PIGL: variants seen among roughly 807,000 people sequenced by gnomAD.
PIGL encodes phosphatidylinositol glycan anchor biosynthesis class L.
Under a neutral mutation model 31.1 loss-of-function variants are expected in PIGL, and 22 were observed. The ratio of observed to expected loss-of-function variants is 0.71; its 90% CI spans 0.51 to 1.01. The LOEUF (loss-of-function observed/expected upper bound fraction) is 1.01. Ranked by LOEUF, PIGL falls within the 50% of genes least tolerant of loss-of-function variation. The probability of loss-of-function intolerance (pLI) is 0.00; values close to 1 mark genes in which losing one functional copy is unlikely to be tolerated. For synonymous variants in PIGL, 131 were observed against 117.4 expected (o/e 1.12, Z -0.75); for missense variants, 302 against 315.9 (o/e 0.96, Z 0.33).
At chr17:16,271,958 CAAGCAATCTTCCCA>C (rs1382969266) in intron 2 of PIGL, among the ~76,000 whole-genome samples, 12 of 152,142 alleles carry the variant, frequency 7.9e-5, no homozygotes, top group Admixed American at 7.2e-4. Flanking sequence ...CTCCTGGCCT[CAAGCAATCTTCCCA>C]CCTTGGCCCC....
intron 6 of PIGL, 120 bp downstream of exon 6, chr17:16,318,028 G>A: frequency 2.5e-6 from 2 of 797,576 alleles, no homozygotes; most frequent in South Asian, 3.2e-5. Context: ...TTCAGCACCT[G>A]TCCCTGAGAA....
intron 1 of PIGL, among the ~76,000 whole-genome samples, chr17:16,228,258 A>G (rs1232219644): frequency 6.6e-6 from 1 of 151,562 alleles, no homozygotes; most frequent in East Asian, 2.0e-4. Flanking sequence ...GAGTTTCACC[A>G]TGTTGGCCAG....
chr17:16,235,508 G>A (rs187238384), intron 2 of PIGL, among the ~76,000 whole-genome samples: 1 of 139,914 alleles, frequency 7.1e-6, no homozygotes, highest in Admixed American at 7.7e-5. Flanking sequence ...GTGCAGTGGT[G>A]CCATCTCGGC....
intron 2 of PIGL, among the ~76,000 whole-genome samples, chr17:16,247,889 CT>C (rs888535273): frequency 2.4e-4 from 36 of 149,834 alleles, no homozygotes; most frequent in East Asian, 9.7e-4. Context: ...AGCTTTCTCT[CT>C]TTTTTTTTTC....
intron 2 of PIGL, among the ~76,000 whole-genome samples, chr17:16,274,371 G>A (rs915342318): frequency 2.0e-5 from 3 of 152,168 alleles, no homozygotes; most frequent in Non-Finnish European, 4.4e-5. Context: ...TAGAACATAG[G>A]TCACTTTGTT....
intron 2 of PIGL, among the ~76,000 whole-genome samples, chr17:16,242,543 C>T (rs2092727125): frequency 6.6e-6 from 1 of 151,476 alleles, no homozygotes; most frequent in South Asian, 2.1e-4. Context: ...AAAAGCCTAC[C>T]AGTTTTAACT....
chr17:16,277,536 T>G (rs1166896518), intron 2 of PIGL, among the ~76,000 whole-genome samples: 1 of 120,240 alleles, frequency 8.3e-6, no homozygotes, highest in Non-Finnish European at 2.0e-5. Flanking sequence ...ATTGCTTCAG[T>G]CTTCTGTTAG....
At chr17:16,258,095 G>GAA (rs1568802787) in intron 2 of PIGL, among the ~76,000 whole-genome samples, 9 of 128,906 alleles carry the variant, frequency 7.0e-5, no homozygotes, top group African/African-American at 2.7e-4. Context: ...GAGAGAGAGA[G>GAA]AGAGAGAAAG....
At chr17:16,313,505 G>A in intron 3 of PIGL, 42 bp from the exon 4 acceptor site, 1 of 1,402,156 alleles carries the variant, frequency 7.1e-7, no homozygotes, top group Non-Finnish European at 1.0e-6. Flanking sequence ...AAGTTGAGGT[G>A]GTGGAGAAGG....
At chr17:16,231,241 T>C (rs1202059541) in intron 1 of PIGL, among the ~76,000 whole-genome samples, 1 of 148,314 alleles carries the variant, frequency 6.7e-6, no homozygotes, top group African/African-American at 2.5e-5. Flanking sequence ...TCTTTTTTTT[T>C]TTTTTTTTTG....
intron 1 of PIGL, 64 bp downstream of exon 1, chr17:16,217,525 T>C (rs2092593381): frequency 7.7e-7 from 1 of 1,298,612 alleles, no homozygotes; most frequent in Non-Finnish European, 1.1e-6. Flanking sequence ...TGCTAACCGA[T>C]CTCAGTCGCC....
intron 2 of PIGL, among the ~76,000 whole-genome samples, chr17:16,264,296 C>T (rs1001703368): frequency 6.6e-6 from 1 of 151,964 alleles, no homozygotes; most frequent in African/African-American, 2.4e-5. Flanking sequence ...GCATGAGTCT[C>T]TGGGTATGGC....
intron 4 of PIGL, among the ~76,000 whole-genome samples, chr17:16,314,463 A>C (rs1600860088): frequency 6.6e-6 from 1 of 152,234 alleles, no homozygotes; most frequent in Admixed American, 6.5e-5. Flanking sequence ...GCAGAGGCAG[A>C]ATTCAGGAAT....
At chr17:16,245,109 C>T (rs975497285) in intron 2 of PIGL, among the ~76,000 whole-genome samples, 5 of 152,120 alleles carry the variant, frequency 3.3e-5, no homozygotes, top group African/African-American at 9.7e-5. Context: ...TTTCCTGCCT[C>T]AGCCTCCCAG....
chr17:16,320,305 G>T (rs1259708373), intron 6 of PIGL, among the ~76,000 whole-genome samples: 9 of 131,712 alleles, frequency 6.8e-5, no homozygotes, highest in Non-Finnish European at 1.1e-4. Context: ...AAGGGGAAGG[G>T]AAGGGAAGGA....
chr17:16,233,987 A>G lies in PIGL; in HGVS notation c.252A>G (p.Gln84=), dbSNP rs1309984339. 1 of 1,606,338 alleles carries G rather than the reference A, an allele frequency of 6.2e-7. No individual in the cohort carries two copies. The highest frequency in any genetic ancestry group is 8.5e-7 in the Non-Finnish European group (1 of 1,173,102). The change falls in exon 2 of 7, where the codon CAA becomes CAG. Residue 84 remains glutamine, a synonymous_variant. Coordinates refer to ENST00000225609, the MANE Select transcript of PIGL (RefSeq NM_004278.4). ...TACCCTCAGGAAATTACTACAATCA[A>G]GGAGAGACTCGTAAGAAAGAACTTT... ...LCFSAGNYYN[Q]GETRKKELLQ... is the part of the protein sequence containing the mutation.
chr17:16,254,313 G>A (rs1193347395), intron 2 of PIGL, among the ~76,000 whole-genome samples: 1 of 151,350 alleles, frequency 6.6e-6, no homozygotes, highest in Non-Finnish European at 1.5e-5. Flanking sequence ...TTATTGCCTA[G>A]GCTAGAGTGC....
intron 2 of PIGL, among the ~76,000 whole-genome samples, chr17:16,258,592 C>T (rs537485122): frequency 1.0e-3 from 156 of 152,162 alleles, no homozygotes; most frequent in African/African-American, 3.6e-3. Context: ...CAACCTCCGC[C>T]TCCCGGGCCC....
chr17:16,259,175 C>G (rs776367206), intron 2 of PIGL, among the ~76,000 whole-genome samples: 4 of 151,522 alleles, frequency 2.6e-5, no homozygotes, highest in Admixed American at 6.6e-5. Flanking sequence ...ACACAACAGT[C>G]TGGTTTCTGT....
Sources: allele counts gnomAD v4.1 joint callset (sites outside exome capture counted in the v4.1 genomes callset), GRCh38; gene constraint gnomAD v4.1.1; transcripts MANE v1.5; gene names NCBI Gene and HGNC (gene_info 2026-07-23, HGNC 2026-07-21).